THSD7A: variants seen among roughly 807,000 people sequenced by gnomAD.
THSD7A encodes thrombospondin type-1 domain-containing protein 7A.
A neutral mutation model predicts 231.3 loss-of-function variants in THSD7A; 96 were observed. The observed-to-expected ratio is 0.41, with a 90% CI of 0.35 to 0.49. THSD7A has a LOEUF of 0.49. Ranked by LOEUF, THSD7A falls within the 20% of genes least tolerant of loss-of-function variation. The pLI is 0.05. For missense variants in THSD7A, 2,290 were observed against 2,070.2 expected (o/e 1.11, Z -2.06); for synonymous variants, 940 against 743.3 (o/e 1.26, Z -4.30).
At chr7:11,576,838 GT>G (rs1438015024) in intron 4 of THSD7A, among the ~76,000 whole-genome samples, 3 of 152,122 alleles carry the variant, frequency 2.0e-5, no homozygotes, top group Admixed American at 2.0e-4. Context: ...GGCCATTTTT[GT>G]TTATTTTTGC....
intron 1 of THSD7A, among the ~76,000 whole-genome samples, chr7:11,694,860 T>A (rs1012921906): frequency 6.6e-6 from 1 of 151,570 alleles, no homozygotes; most frequent in African/African-American, 2.4e-5. Flanking sequence ...GTTCAAAATA[T>A]AATTTGGAAG....
chr7:11,379,721 C>G lies in THSD7A; in HGVS notation c.4508-9G>C, dbSNP rs1339937836. On this transcript the variant is annotated splice_polypyrimidine_tract_variant and intron_variant, in intron 24 of 27. Transcript: ENST00000423059. ...CATCACCAAGCAGCCCCCTGCGGAA[C>G]AGAAAATCATGTTTTGACAAATAAT... 1 of 1,576,088 alleles carries G rather than the reference C, an allele frequency of 6.3e-7. No homozygotes were observed. Among genetic ancestry groups the G allele is most frequent in the African/African-American group, 1.4e-5 (1 of 74,026 alleles).
chr7:11,653,124 C>T (rs931904401), intron 1 of THSD7A, among the ~76,000 whole-genome samples: 2 of 151,754 alleles, frequency 1.3e-5, no homozygotes, highest in South Asian at 4.2e-4. Context: ...TTTCAACAAC[C>T]CTGCCATACA....
chr7:11,614,699 G>T (rs1026288955), intron 2 of THSD7A, among the ~76,000 whole-genome samples: 1 of 152,022 alleles, frequency 6.6e-6, no homozygotes, highest in Non-Finnish European at 1.5e-5. Context: ...AGCTTGTCTT[G>T]TTCTAGTATT....
intron 1 of THSD7A, among the ~76,000 whole-genome samples, chr7:11,643,896 C>T (rs1040801958): frequency 1.3e-5 from 2 of 151,940 alleles, no homozygotes; most frequent in Non-Finnish European, 2.9e-5. Context: ...TGCAAAAGTG[C>T]CCACCAAAAT....
intron 2 of THSD7A, among the ~76,000 whole-genome samples, chr7:11,600,560 T>G (rs1186502232): frequency 1.3e-5 from 2 of 152,156 alleles, no homozygotes; most frequent in Non-Finnish European, 2.9e-5. Flanking sequence ...ACATATACTT[T>G]GAAGAGTTTT....
chr7:11,766,650 T>A (rs1486448820), intron 1 of THSD7A, among the ~76,000 whole-genome samples: 4 of 152,278 alleles, frequency 2.6e-5, no homozygotes, highest in African/African-American at 9.6e-5. Context: ...TATTATGAAC[T>A]GAATATAATA....
At chr7:11,520,710 T>G (rs1788228058) in intron 6 of THSD7A, among the ~76,000 whole-genome samples, 1 of 152,208 alleles carries the variant, frequency 6.6e-6, no homozygotes, top group South Asian at 2.1e-4. Flanking sequence ...ATAATTTGAC[T>G]AGAATTTAAA....
chr7:11,492,546 A>C (rs1451965953), intron 6 of THSD7A, among the ~76,000 whole-genome samples: 11 of 152,056 alleles, frequency 7.2e-5, no homozygotes, highest in Admixed American at 7.2e-4. Context: ...AAGCACCAGT[A>C]AACACAGTGT....
At chr7:11,560,945 A>G (rs1262893177) in intron 4 of THSD7A, among the ~76,000 whole-genome samples, 1 of 152,190 alleles carries the variant, frequency 6.6e-6, no homozygotes, top group African/African-American at 2.4e-5. Flanking sequence ...ATGCCAGGAA[A>G]TGTCACACTG....
chr7:11,650,639 T>C (rs184257874), intron 1 of THSD7A, among the ~76,000 whole-genome samples: 1 of 152,010 alleles, frequency 6.6e-6, no homozygotes, highest in Admixed American at 6.6e-5. Context: ...CCTGGAAAAG[T>C]AGGTTGCTCG....
intron 4 of THSD7A, among the ~76,000 whole-genome samples, chr7:11,574,546 C>T (rs867700663): frequency 5.9e-5 from 9 of 151,434 alleles, no homozygotes; most frequent in Non-Finnish European, 8.8e-5. Flanking sequence ...GCCATTCTGC[C>T]GCCTCAGCCT....
At position 11,636,658 on chromosome 7, in the gene THSD7A, T is replaced by G; in HGVS notation, c.494A>C (p.Lys165Thr). 1 of 1,613,980 alleles carries G rather than the reference T, an allele frequency of 6.2e-7. No individual in the cohort carries two copies. Among genetic ancestry groups the G allele is most frequent in the Non-Finnish European group, 8.5e-7 (1 of 1,179,886 alleles). ...VREIACIQKD[K>T]DIPAEDIICE... ...GATGATATCCTCCGCAGGAATGTCT[T>G]TGTCTTTCTGGATGCACGCTATCTC... Residue 165 changes from lysine (K) to threonine (T), a missense_variant, in exon 2 of 28, where the codon AAA becomes ACA. Physicochemically the swap from Lys to Thr is moderately conservative, Grantham distance 78. Transcript: ENST00000423059. The surrounding 1 kb of genome is among the most constrained non-coding windows in gnomAD (Gnocchi z 10.0).
At chr7:11,535,778 C>T (rs1018277506) in intron 6 of THSD7A, among the ~76,000 whole-genome samples, 1 of 152,044 alleles carries the variant, frequency 6.6e-6, no homozygotes, top group Admixed American at 6.6e-5. Flanking sequence ...AATGATCATG[C>T]ATTTGAAGTT....
At chr7:11,435,094 A>AAT (rs909442230) in intron 13 of THSD7A, among the ~76,000 whole-genome samples, 1 of 151,722 alleles carries the variant, frequency 6.6e-6, no homozygotes, top group Non-Finnish European at 1.5e-5. Context: ...AGAAAATTTC[A>AAT]ATATCAGTAT....
At chr7:11,760,080 A>T (rs1782806200) in intron 1 of THSD7A, among the ~76,000 whole-genome samples, 1 of 152,084 alleles carries the variant, frequency 6.6e-6, no homozygotes, top group African/African-American at 2.4e-5. Flanking sequence ...CAAGGTACTT[A>T]TTGGGAAAGA....
intron 13 of THSD7A, among the ~76,000 whole-genome samples, chr7:11,433,889 A>G (rs207467664): frequency 2.0e-5 from 3 of 152,106 alleles, no homozygotes; most frequent in Admixed American, 6.6e-5. Context: ...TCCAGAAAAC[A>G]TCTCTCAAAT....
intron 6 of THSD7A, among the ~76,000 whole-genome samples, chr7:11,537,604 C>A (rs941882744): frequency 6.6e-6 from 1 of 152,130 alleles, no homozygotes; most frequent in Non-Finnish European, 1.5e-5. Flanking sequence ...AGAGGCTGAA[C>A]ACCTAACAGT....
chr7:11,796,523 C>A (rs1019494293), intron 1 of THSD7A, among the ~76,000 whole-genome samples: 1 of 151,612 alleles, frequency 6.6e-6, no homozygotes, highest in African/African-American at 2.4e-5. Flanking sequence ...CAGAATACAG[C>A]ATATTTTGCT....
Sources: allele counts gnomAD v4.1 joint callset (sites outside exome capture counted in the v4.1 genomes callset), GRCh38; gene constraint gnomAD v4.1.1; non-coding constraint Gnocchi (gnomAD v3.1); transcripts MANE v1.5; gene names NCBI Gene and HGNC (gene_info 2026-07-23, HGNC 2026-07-21).